Variants in SAMMSON observed in about 807,000 individuals in gnomAD.
The protein encoded by SAMMSON is long intergenic non-protein coding RNA 1212.
intron 3 of SAMMSON, among the ~76,000 whole-genome samples, chr3:70,037,916 G>A (rs2067092211): frequency 6.6e-6 from 1 of 152,164 alleles, no homozygotes; most frequent in African/African-American, 2.4e-5. Context: ...AGATTTGAAT[G>A]CCATACTAAG....
chr3:70,140,912 A>C (rs2067525261), intron 4 of SAMMSON, among the ~76,000 whole-genome samples: 1 of 152,174 alleles, frequency 6.6e-6, no homozygotes, highest in Admixed American at 6.5e-5. Flanking sequence ...CCACTTTGGA[A>C]TTCTGTAAGA....
chr3:70,322,734 T>A (rs1522338), intron 7 of SAMMSON, among the ~76,000 whole-genome samples: 19,573 of 152,088 alleles, frequency 0.13, 1,373 homozygotes, highest in South Asian at 0.18. Context: ...TTTAAAGAAC[T>A]ATAAAGCAAA....
intron 4 of SAMMSON, among the ~76,000 whole-genome samples, chr3:70,103,697 G>A: frequency 6.6e-6 from 1 of 152,030 alleles, no homozygotes; most frequent in Non-Finnish European, 1.5e-5. Flanking sequence ...CTTCTTATTG[G>A]CGAAAATTCT....
At chr3:70,395,645 A>T (rs1701086297) in intron 2 of SAMMSON, among the ~76,000 whole-genome samples, 1 of 152,118 alleles carries the variant, frequency 6.6e-6, no homozygotes, top group Non-Finnish European at 1.5e-5. Context: ...CAACCCTGGC[A>T]AAGCAGCTAC....
intron 3 of SAMMSON, chr3:70,015,135 G>T (rs1162487040): frequency 6.6e-6 from 1 of 152,314 alleles, no homozygotes; most frequent in East Asian, 1.9e-4. Flanking sequence ...AAAAAAATTA[G>T]CCGGGCATGG....
At chr3:70,001,838 A>T (rs1210353990) in intron 1 of SAMMSON, among the ~76,000 whole-genome samples, 2 of 152,214 alleles carry the variant, frequency 1.3e-5, no homozygotes, top group Admixed American at 1.3e-4. Context: ...TCCAGACAAG[A>T]TGATGGAGCA....
intron 4 of SAMMSON, among the ~76,000 whole-genome samples, chr3:70,182,653 A>T (rs990263162): frequency 6.6e-6 from 1 of 152,120 alleles, no homozygotes; most frequent in Non-Finnish European, 1.5e-5. Context: ...CCCAAATGTG[A>T]CTTTAGCCCA....
intron 4 of SAMMSON, among the ~76,000 whole-genome samples, chr3:70,108,441 T>TA (rs1553715436): frequency 6.8e-6 from 1 of 146,346 alleles, no homozygotes; most frequent in Non-Finnish European, 1.5e-5. Flanking sequence ...TTTTTTTTTT[T>TA]ATCATAACTC....
chr3:70,075,674 A>T (rs1357494486), intron 4 of SAMMSON, among the ~76,000 whole-genome samples: 1 of 152,122 alleles, frequency 6.6e-6, no homozygotes, highest in Non-Finnish European at 1.5e-5. Flanking sequence ...AAAACCTACT[A>T]GTGCTTTAAA....
intron 6 of SAMMSON, among the ~76,000 whole-genome samples, chr3:70,257,229 T>C (rs1333404340): frequency 2.0e-5 from 3 of 152,216 alleles, no homozygotes; most frequent in East Asian, 3.9e-4. Flanking sequence ...GGCAAACCCT[T>C]CCCCATTCCT....
intron 4 of SAMMSON, among the ~76,000 whole-genome samples, chr3:70,232,294 C>G (rs941622651): frequency 6.6e-6 from 1 of 152,176 alleles, no homozygotes; most frequent in Non-Finnish European, 1.5e-5. Flanking sequence ...TAGAGAATCC[C>G]AGCAAGTGTC....
chr3:70,219,597 G>A (rs1322884230), intron 4 of SAMMSON, among the ~76,000 whole-genome samples: 1 of 152,132 alleles, frequency 6.6e-6, no homozygotes, highest in Non-Finnish European at 1.5e-5. Flanking sequence ...AAATTGGGAT[G>A]AAAAACCAAC....
intron 4 of SAMMSON, among the ~76,000 whole-genome samples, chr3:70,121,886 C>G (rs1392361796): frequency 6.6e-6 from 1 of 152,056 alleles, no homozygotes; most frequent in African/African-American, 2.4e-5. Context: ...TCTAAGGATC[C>G]CCCCTGCACA....
intron 4 of SAMMSON, among the ~76,000 whole-genome samples, chr3:70,170,689 CATT>C (rs2106699179): frequency 6.9e-6 from 1 of 144,944 alleles, no homozygotes; most frequent in Non-Finnish European, 1.5e-5. Context: ...TTGTGAAGGA[CATT>C]GTTAATTTTT....
At chr3:70,029,994 C>G (rs9866289) in intron 3 of SAMMSON, among the ~76,000 whole-genome samples, 6,674 of 152,096 alleles carry the variant, frequency 0.044, 454 homozygotes, top group African/African-American at 0.14. Flanking sequence ...AAGAAAAGAA[C>G]TTGATTTCAA....
chr3:70,432,019 G>C (rs1364489405), intron 2 of SAMMSON, among the ~76,000 whole-genome samples: 1 of 151,848 alleles, frequency 6.6e-6, no homozygotes, highest in Non-Finnish European at 1.5e-5. Context: ...TAATAATGCT[G>C]CTATAAAGAT....
chr3:70,037,437 C>CCGACTA (rs944818676), intron 3 of SAMMSON, among the ~76,000 whole-genome samples: 1 of 152,074 alleles, frequency 6.6e-6, no homozygotes, highest in Non-Finnish European at 1.5e-5. Context: ...CTCCTCCGCC[C>CCGACTA]CGACTACTTT....
chr3:70,433,191 T>C (rs1057130353), intron 2 of SAMMSON, among the ~76,000 whole-genome samples: 1 of 152,128 alleles, frequency 6.6e-6, no homozygotes, highest in African/African-American at 2.4e-5. Context: ...GCATATTTGC[T>C]GGATTATATA....
intron 4 of SAMMSON, among the ~76,000 whole-genome samples, chr3:70,160,052 T>C (rs921921172): frequency 6.6e-6 from 1 of 152,150 alleles, no homozygotes; most frequent in African/African-American, 2.4e-5. Flanking sequence ...AATTCTTTGT[T>C]AGACACATAT....
Sources: allele counts gnomAD v4.1 joint callset (sites outside exome capture counted in the v4.1 genomes callset), GRCh38; gene constraint gnomAD v4.1.1; transcripts MANE v1.5; gene names NCBI Gene and HGNC (gene_info 2026-07-23, HGNC 2026-07-21).